The following MACROD2 variants were observed in gnomAD, a reference collection of about 807,000 sequenced individuals.
The protein encoded by MACROD2 is ADP-ribose glycohydrolase MACROD2.
MACROD2 carries 36 observed loss-of-function variants against 70.4 expected under a neutral mutation model. The observed-to-expected ratio is 0.51, with a 90% CI of 0.39 to 0.68. MACROD2 has a LOEUF of 0.68. Ranked by LOEUF, MACROD2 falls within the 30% of genes least tolerant of loss-of-function variation. The pLI, the probability that MACROD2 is intolerant of heterozygous loss-of-function variation, is 0.00. For missense variants in MACROD2, 496 were observed against 538.4 expected (o/e 0.92, Z 0.78); for synonymous variants, 172 against 178.8 (o/e 0.96, Z 0.30).
intron 4 of MACROD2, among the ~76,000 whole-genome samples, chr20:14,573,934 G>A (rs1432995387): frequency 1.3e-5 from 2 of 152,026 alleles, no homozygotes; most frequent in African/African-American, 4.8e-5. Flanking sequence ...CCCTTATATC[G>A]AGGCTCAGCT....
intron 5 of MACROD2, among the ~76,000 whole-genome samples, chr20:15,078,174 A>T (rs2075674077): frequency 6.6e-6 from 1 of 152,138 alleles, no homozygotes; most frequent in Non-Finnish European, 1.5e-5. Context: ...GCAGAAAACA[A>T]TCAGGGGACT....
chr20:15,067,760 G>A (rs539696319), intron 5 of MACROD2, among the ~76,000 whole-genome samples: 1 of 152,260 alleles, frequency 6.6e-6, no homozygotes, highest in Non-Finnish European at 1.5e-5. Flanking sequence ...ATTGATTGGT[G>A]ATAAAGATTG....
chr20:15,800,583 T>C (rs766002831), intron 8 of MACROD2, among the ~76,000 whole-genome samples: 3 of 152,200 alleles, frequency 2.0e-5, no homozygotes, highest in Non-Finnish European at 4.4e-5. Context: ...TGAAAATCAG[T>C]TGGCTGAGCC....
intron 5 of MACROD2, among the ~76,000 whole-genome samples, chr20:14,890,704 A>G (rs567667638): frequency 6.6e-6 from 1 of 151,506 alleles, no homozygotes; most frequent in African/African-American, 2.4e-5. Context: ...TGAGGTTGCC[A>G]TGAGCTAGGG....
chr20:14,138,612 G>A (rs6033885), intron 3 of MACROD2, among the ~76,000 whole-genome samples: 8,232 of 152,104 alleles, frequency 0.054, 255 homozygotes, highest in African/African-American at 0.089. Flanking sequence ...AGTGATTGCC[G>A]GTGGCTGGGT....
chr20:15,236,593 G>C (rs2077015612), intron 6 of MACROD2, among the ~76,000 whole-genome samples: 1 of 152,198 alleles, frequency 6.6e-6, no homozygotes, highest in Admixed American at 6.5e-5. Flanking sequence ...CCATCTTAGA[G>C]ATGAGGAATA....
chr20:15,621,590 G>A (rs1200952560), intron 8 of MACROD2, among the ~76,000 whole-genome samples: 1 of 152,098 alleles, frequency 6.6e-6, no homozygotes, highest in Non-Finnish European at 1.5e-5. Flanking sequence ...CTTATTTAAA[G>A]TTGAAAGAGA....
chr20:15,531,399 T>C (rs1427106109), intron 8 of MACROD2, among the ~76,000 whole-genome samples: 1 of 151,988 alleles, frequency 6.6e-6, no homozygotes, highest in Non-Finnish European at 1.5e-5. Context: ...CTTATTATTA[T>C]AAAAATCTTC....
intron 2 of MACROD2, among the ~76,000 whole-genome samples, chr20:14,077,295 A>G (rs914124063): frequency 6.6e-6 from 1 of 152,202 alleles, no homozygotes; most frequent in Non-Finnish European, 1.5e-5. Context: ...ACATAAAGAA[A>G]CTAGATATAA....
chr20:15,416,902 CA>C (rs140768856), intron 6 of MACROD2, among the ~76,000 whole-genome samples: 6,365 of 146,634 alleles, frequency 0.043, 174 homozygotes, highest in Middle Eastern at 0.079. Flanking sequence ...GACTCCGTCT[CA>C]AAAAAAAAAA....
chr20:15,569,263 T>G (rs1288635293), intron 8 of MACROD2, among the ~76,000 whole-genome samples: 4 of 152,210 alleles, frequency 2.6e-5, no homozygotes, highest in African/African-American at 7.2e-5. Flanking sequence ...CACTTTTATT[T>G]CTTAATTATT....
At chr20:14,941,658 A>G (rs912165657) in intron 5 of MACROD2, among the ~76,000 whole-genome samples, 2 of 152,078 alleles carry the variant, frequency 1.3e-5, no homozygotes, top group African/African-American at 2.4e-5. Context: ...ACTAGGTGCT[A>G]TATATTTGGT....
At chr20:15,063,632 A>G (rs904387719) in intron 5 of MACROD2, among the ~76,000 whole-genome samples, 1 of 152,220 alleles carries the variant, frequency 6.6e-6, no homozygotes, top group African/African-American at 2.4e-5. Context: ...AGGTGTCTGC[A>G]TTAACCTAGG....
intron 8 of MACROD2, among the ~76,000 whole-genome samples, chr20:15,663,031 AAGGGG>A (rs958080865): frequency 6.6e-5 from 10 of 152,106 alleles, no homozygotes; most frequent in Non-Finnish European, 1.3e-4. Context: ...CAGATGCTTA[AAGGGG>A]TTATAGAAAG....
At chr20:15,935,503 A>T (rs1197899966) in intron 11 of MACROD2, among the ~76,000 whole-genome samples, 2 of 152,206 alleles carry the variant, frequency 1.3e-5, no homozygotes, top group African/African-American at 4.8e-5. Context: ...TTTCCAAAAT[A>T]AAAGTATCTT....
intron 8 of MACROD2, among the ~76,000 whole-genome samples, chr20:15,615,528 G>A (rs953713049): frequency 6.6e-6 from 1 of 152,082 alleles, no homozygotes; most frequent in African/African-American, 2.4e-5. Flanking sequence ...TTTCTAGATG[G>A]CACCCAGAGA....
intron 5 of MACROD2, among the ~76,000 whole-genome samples, chr20:14,997,929 T>A (rs1032920597): frequency 6.6e-5 from 10 of 151,738 alleles, no homozygotes; most frequent in Admixed American, 2.0e-4. Flanking sequence ...TGGCAGAGAG[T>A]AAGGGGAGAG....
chr20:15,440,418 T>C (rs1272316391), intron 7 of MACROD2, among the ~76,000 whole-genome samples: 1 of 152,214 alleles, frequency 6.6e-6, no homozygotes, highest in African/African-American at 2.4e-5. Context: ...CTCTTTCTGC[T>C]ATCCACCACA....
chr20:14,689,798 T>G (rs2071042056), intron 5 of MACROD2, among the ~76,000 whole-genome samples: 1 of 152,196 alleles, frequency 6.6e-6, no homozygotes, highest in Non-Finnish European at 1.5e-5. Flanking sequence ...GTGCTACCTT[T>G]TATTGTTGGA....
Sources: gnomAD v4.1 joint callset for allele counts (sites outside exome capture counted in the v4.1 genomes callset) on GRCh38, gnomAD v4.1.1 for gene constraint, MANE v1.5 for transcripts, NCBI Gene and HGNC (gene_info 2026-07-23, HGNC 2026-07-21) for gene names.